TMEM117: variants seen among roughly 807,000 people sequenced by gnomAD.
TMEM117 encodes transmembrane protein 117.
TMEM117 carries 27 observed loss-of-function variants against 52.4 expected under a neutral mutation model. The observed-to-expected ratio is 0.51, with a 90% CI of 0.38 to 0.71. The LOEUF (loss-of-function observed/expected upper bound fraction) is 0.71. Ranked by LOEUF, TMEM117 falls within the 30% of genes least tolerant of loss-of-function variation. The pLI, the probability that TMEM117 is intolerant of heterozygous loss-of-function variation, is 0.00. For synonymous variants in TMEM117, 215 were observed against 206.3 expected (o/e 1.04, Z -0.36); for missense variants, 556 against 630.5 (o/e 0.88, Z 1.26).
chr12:43,842,321 C>T (rs1943128625), intron 1 of TMEM117, among the ~76,000 whole-genome samples: 1 of 152,118 alleles, frequency 6.6e-6, no homozygotes, highest in African/African-American at 2.4e-5. Context: ...GTCACCATTC[C>T]TAGGTGGTCC....
intron 2 of TMEM117, among the ~76,000 whole-genome samples, chr12:43,895,914 A>C (rs1944192965): frequency 6.6e-6 from 1 of 152,146 alleles, no homozygotes; most frequent in Non-Finnish European, 1.5e-5. Context: ...AATTTTGCTG[A>C]TGAAGGCTGT....
chr12:43,882,326 G>A (rs894938246), intron 2 of TMEM117, among the ~76,000 whole-genome samples: 2 of 151,582 alleles, frequency 1.3e-5, no homozygotes, highest in Non-Finnish European at 2.9e-5. Context: ...CAGGCTTGGT[G>A]GCAGGCACCT....
intron 4 of TMEM117, among the ~76,000 whole-genome samples, chr12:44,207,676 T>G (rs1470899380): frequency 6.6e-6 from 1 of 152,076 alleles, no homozygotes; most frequent in Non-Finnish European, 1.5e-5. Context: ...AGTGATGGGA[T>G]AGAAATCTCA....
chr12:44,208,895 A>G (rs1331259557), intron 4 of TMEM117, among the ~76,000 whole-genome samples: 1 of 152,066 alleles, frequency 6.6e-6, no homozygotes, highest in Non-Finnish European at 1.5e-5. Flanking sequence ...GCCCTGGAGA[A>G]AACATTGAAA....
chr12:44,007,400 C>T (rs2137797173), intron 3 of TMEM117, among the ~76,000 whole-genome samples: 1 of 152,126 alleles, frequency 6.6e-6, no homozygotes, highest in East Asian at 1.9e-4. Flanking sequence ...CAATAAATTT[C>T]CTCTTTTTTT....
intron 3 of TMEM117, among the ~76,000 whole-genome samples, chr12:44,114,106 C>G (rs1592528309): frequency 1.3e-5 from 2 of 149,842 alleles, no homozygotes; most frequent in Non-Finnish European, 3.0e-5. Flanking sequence ...CGCCCACTGT[C>G]TGGCACTCCC....
intron 6 of TMEM117, among the ~76,000 whole-genome samples, chr12:44,309,410 A>C (rs979756346): frequency 6.6e-6 from 1 of 152,178 alleles, no homozygotes; most frequent in African/African-American, 2.4e-5. Flanking sequence ...CAAGAGGCTC[A>C]GTGTCAAGTC....
At chr12:44,143,713 G>A in intron 4 of TMEM117, 89 bp downstream of exon 4, 1 of 867,068 alleles carries the variant, frequency 1.2e-6, no homozygotes, top group Non-Finnish European at 1.8e-6. Flanking sequence ...ATGATGTAGA[G>A]TAAAATAATT....
intron 6 of TMEM117, among the ~76,000 whole-genome samples, chr12:44,305,412 G>A (rs1266854985): frequency 6.6e-6 from 1 of 151,706 alleles, no homozygotes; most frequent in Non-Finnish European, 1.5e-5. Flanking sequence ...ATCCAACAGA[G>A]GTCTAATATC....
chr12:44,286,388 A>G (rs928825616), intron 5 of TMEM117, among the ~76,000 whole-genome samples: 1 of 151,678 alleles, frequency 6.6e-6, no homozygotes, highest in Admixed American at 6.6e-5. Flanking sequence ...TGATAGAAAA[A>G]AATCGTCAAA....
intron 6 of TMEM117, among the ~76,000 whole-genome samples, chr12:44,312,474 T>G (rs1592685338): frequency 6.6e-6 from 1 of 152,152 alleles, no homozygotes; most frequent in African/African-American, 2.4e-5. Context: ...TATTCCAGGG[T>G]GTACATGCAT....
At chr12:43,935,717 CT>C (rs1158504246) in intron 2 of TMEM117, among the ~76,000 whole-genome samples, 2 of 152,198 alleles carry the variant, frequency 1.3e-5, no homozygotes, top group East Asian at 3.9e-4. Flanking sequence ...TTCTCCTTGT[CT>C]GCACTGAAAG....
chr12:43,937,601 T>C (rs1213844075), intron 2 of TMEM117, among the ~76,000 whole-genome samples: 1 of 152,122 alleles, frequency 6.6e-6, no homozygotes, highest in African/African-American at 2.4e-5. Context: ...AGGTGGCTTA[T>C]AGATGGGGAG....
intron 6 of TMEM117, among the ~76,000 whole-genome samples, chr12:44,355,531 T>A (rs1021704076): frequency 6.6e-6 from 1 of 152,014 alleles, no homozygotes. Context: ...GAAGAGTCTT[T>A]TAGGAAGTAG....
intron 4 of TMEM117, among the ~76,000 whole-genome samples, chr12:44,168,079 C>T (rs1365875281): frequency 6.6e-6 from 1 of 151,972 alleles, no homozygotes; most frequent in Non-Finnish European, 1.5e-5. Context: ...TATGGTGAAA[C>T]CCCGTCTCTA....
upstream of TMEM117, among the ~76,000 whole-genome samples, chr12:43,833,199 T>C (rs146882923): frequency 3.3e-4 from 50 of 152,302 alleles, no homozygotes; most frequent in African/African-American, 9.6e-4. Context: ...TATTATTATA[T>C]GAAGAGAGAT....
intron 3 of TMEM117, among the ~76,000 whole-genome samples, chr12:43,987,888 A>G (rs1198664654): frequency 6.6e-6 from 1 of 152,082 alleles, no homozygotes; most frequent in Non-Finnish European, 1.5e-5. Context: ...ATTTATTTCT[A>G]TATTTGTCAG....
rs539650501 is a variant in TMEM117, at chr12:44,347,520, C to A, written c.769-29075C>A. ...AGGAAACTTCCTCACATTATAAACC[C>A]CAAATCTTTCATACATGAGCATAGG... is the stretch of plus-strand genomic sequence containing the variant. On this transcript the variant is annotated intron_variant, in intron 6 of 7. Transcript: ENST00000266534. Among the ~76,000 whole-genome samples, 375 of 152,066 alleles carry A rather than the reference C, an allele frequency of 2.5e-3. 2 individuals carry two copies. Among genetic ancestry groups the A allele is most frequent in the Non-Finnish European group, 4.2e-3 (285 of 67,954 alleles).
chr12:43,806,085 C>G, the TMEM117 span: 3 of 1,518,740 alleles, frequency 2.0e-6, no homozygotes, highest in Non-Finnish European at 2.6e-6. Flanking sequence ...GGAGAGGCGC[C>G]GAGGCCCGGC....
Sources: allele counts gnomAD v4.1 joint callset (sites outside exome capture counted in the v4.1 genomes callset), GRCh38; gene constraint gnomAD v4.1.1; transcripts MANE v1.5; gene names NCBI Gene and HGNC (gene_info 2026-07-23, HGNC 2026-07-21).